CDC42BPB: variants seen among roughly 807,000 people sequenced by gnomAD.
CDC42BPB encodes the protein serine/threonine-protein kinase MRCK beta.
CDC42BPB carries 37 observed loss-of-function variants against 214.9 expected under a neutral mutation model. That is an observed-to-expected ratio of 0.17 (90% CI 0.13 to 0.23). The LOEUF is 0.23. Ranked by LOEUF, CDC42BPB falls within the 10% of genes least tolerant of loss-of-function variation. CDC42BPB has a pLI of 1.00. For missense variants in CDC42BPB, 1,694 were observed against 2,227.0 expected, an observed-to-expected ratio of 0.76 and a Z score of 4.82; for synonymous variants, 931 against 884.0, an observed-to-expected ratio of 1.05 and a Z score of -0.94.
intron 1 of CDC42BPB, among the ~76,000 whole-genome samples, chr14:103,048,138 A>T (rs1256640120): frequency 6.6e-6 from 1 of 152,190 alleles, no homozygotes; most frequent in Non-Finnish European, 1.5e-5. Context: ...TGAAACAGAA[A>T]AGTGGCAGGC....
rs771777803 is a variant in CDC42BPB, at chr14:103,008,490, C to A, written c.333G>T (p.Glu111Asp). 6.2e-7 allele frequency: 1 copy of A among 1,609,498 alleles called. No individual in the cohort carries two copies. Among genetic ancestry groups the A allele is most frequent in the African/African-American group, 1.3e-5 (1 of 75,002 alleles). Residue 111 changes from glutamate (E) to aspartate (D), a missense_variant, in exon 3 of 37, where the codon GAG becomes GAT. Coordinates refer to ENST00000361246, the MANE Select transcript of CDC42BPB (RefSeq NM_006035.4). ...IYAMKILNKW[E>D]MLKRAETACF... The stretch of plus-strand genomic sequence containing the variant: ...TACTTACCTCTGCTCTTTTCAGCAT[C>A]TCCCACTTGTTGAGGATTTTCATTG...
chr14:102,959,778 T>C, intron 20 of CDC42BPB, 68 bp from the exon 21 acceptor site: 1 of 1,471,864 alleles, frequency 6.8e-7, no homozygotes, highest in East Asian at 2.6e-5. Flanking sequence ...TCAGACAGAC[T>C]CAGTGTCTTC....
intron 5 of CDC42BPB, among the ~76,000 whole-genome samples, chr14:102,995,973 A>C (rs545801506): frequency 1.3e-5 from 2 of 152,342 alleles, no homozygotes; most frequent in East Asian, 1.9e-4. Flanking sequence ...TTTGGGGGGA[A>C]AAATAAAGTT....
At chr14:102,979,781 C>T (rs984269728) in intron 8 of CDC42BPB, among the ~76,000 whole-genome samples, 8 of 152,086 alleles carry the variant, frequency 5.3e-5, no homozygotes, top group Non-Finnish European at 1.2e-4. Context: ...TTGATGAGAA[C>T]AAAAGAATTT....
At chr14:102,955,357 T>C (rs535920103) in intron 21 of CDC42BPB, among the ~76,000 whole-genome samples, 50 of 152,230 alleles carry the variant, frequency 3.3e-4, no homozygotes, top group African/African-American at 1.2e-3. Context: ...CAGGAGAAGG[T>C]TGCAGTGAGC....
At chr14:102,938,578 G>C (rs186285582) in intron 34 of CDC42BPB, 167 bp from the exon 35 acceptor site, 11 of 984,996 alleles carry the variant, frequency 1.1e-5, no homozygotes, top group African/African-American at 1.7e-5. Flanking sequence ...CTGGAACTAA[G>C]AACTGGCAAT....
chr14:103,007,756 G>A (rs1885920618), intron 3 of CDC42BPB, among the ~76,000 whole-genome samples: 1 of 151,378 alleles, frequency 6.6e-6, no homozygotes, highest in Non-Finnish European at 1.5e-5. Flanking sequence ...GGGAGTCACG[G>A]GAGAGGATGG....
chr14:102,998,022 G>A (rs1451914593), intron 5 of CDC42BPB, among the ~76,000 whole-genome samples: 2 of 152,182 alleles, frequency 1.3e-5, no homozygotes. Context: ...TGGCTACTCA[G>A]GAGCCTGAGG....
chr14:102,996,884 AAAAG>A (rs958061622), intron 5 of CDC42BPB, among the ~76,000 whole-genome samples: 34 of 152,116 alleles, frequency 2.2e-4, no homozygotes, highest in African/African-American at 7.2e-4. Context: ...GTATTTTTTA[AAAAG>A]AAAGAAAGAG....
intron 2 of CDC42BPB, among the ~76,000 whole-genome samples, chr14:103,009,054 T>C (rs34311312): frequency 5.2e-4 from 79 of 152,306 alleles, no homozygotes; most frequent in African/African-American, 1.6e-3. Flanking sequence ...GTCTGCACCA[T>C]TGTCTGGTGC....
At chr14:102,982,084 C>T (rs972428445) in intron 7 of CDC42BPB, among the ~76,000 whole-genome samples, 3 of 152,156 alleles carry the variant, frequency 2.0e-5, no homozygotes, top group African/African-American at 4.8e-5. Flanking sequence ...CTGGCAGGCT[C>T]TTAGTAATAA....
At chr14:102,953,240 C>G (rs1035045460) in intron 23 of CDC42BPB, among the ~76,000 whole-genome samples, 1 of 152,204 alleles carries the variant, frequency 6.6e-6, no homozygotes, top group African/African-American at 2.4e-5. Flanking sequence ...AGACCACTTG[C>G]AAGAAGTAGG....
intron 2 of CDC42BPB, among the ~76,000 whole-genome samples, chr14:103,010,391 G>A (rs1049102405): frequency 2.6e-5 from 4 of 152,184 alleles, no homozygotes; most frequent in Admixed American, 6.5e-5. Flanking sequence ...TGGGAGCTCC[G>A]GGCACGATGG....
At chr14:103,035,308 C>T (rs1262453406) in intron 1 of CDC42BPB, among the ~76,000 whole-genome samples, 1 of 152,100 alleles carries the variant, frequency 6.6e-6, no homozygotes, top group African/African-American at 2.4e-5. Context: ...CCGCCTGCCT[C>T]GGCCTCCCAA....
intron 20 of CDC42BPB, among the ~76,000 whole-genome samples, chr14:102,961,088 G>A (rs564685461): frequency 6.6e-6 from 1 of 152,074 alleles, no homozygotes; most frequent in African/African-American, 2.4e-5. Context: ...GATCACTTGA[G>A]CCCAGAAAGT....
intron 1 of CDC42BPB, among the ~76,000 whole-genome samples, chr14:103,017,420 A>G (rs960320220): frequency 6.6e-6 from 1 of 152,206 alleles, no homozygotes; most frequent in Non-Finnish European, 1.5e-5. Context: ...TATAGTTTCA[A>G]AGTACATCCA....
At chr14:102,935,869 G>A (rs549359176) in intron 36 of CDC42BPB, among the ~76,000 whole-genome samples, 7 of 151,884 alleles carry the variant, frequency 4.6e-5, no homozygotes, top group Non-Finnish European at 7.4e-5. Context: ...CAAGAGCCTG[G>A]TACTCAGAAC....
In CDC42BPB at chr14:102,966,306, A is replaced by G; in HGVS notation, c.2553T>C (p.Ser851=). ...CCAGTGTTCTTGACCCCAGACTAGA[A>G]CTCCTCAAAGCCTCGAGCTCTTCGG... is the stretch of plus-strand genomic sequence containing the variant. ...KMTEELEALR[S]SSLGSRTLDP... The change falls in exon 18 of 37, where the codon AGT becomes AGC. Residue 851 remains serine, a synonymous_variant. Coordinates refer to ENST00000361246, the MANE Select transcript of CDC42BPB (RefSeq NM_006035.4). The G allele has an allele frequency of 6.2e-7, 1 of 1,613,898 alleles. No individual in the cohort carries two copies. The highest frequency in any genetic ancestry group is 1.1e-5 in the South Asian group (1 of 91,072).
intron 5 of CDC42BPB, among the ~76,000 whole-genome samples, chr14:102,997,395 G>A (rs1385667662): frequency 6.6e-6 from 1 of 152,126 alleles, no homozygotes; most frequent in East Asian, 1.9e-4. Flanking sequence ...CACCACTGGA[G>A]GACACGCGCT....
Sources: allele counts gnomAD v4.1 joint callset (sites outside exome capture counted in the v4.1 genomes callset), GRCh38; gene constraint gnomAD v4.1.1; transcripts MANE v1.5; gene names NCBI Gene and HGNC (gene_info 2026-07-23, HGNC 2026-07-21).